The following CCND3 variants were observed in gnomAD, a reference collection of about 807,000 sequenced individuals.
CCND3 encodes G1/S-specific cyclin-D3.
Under a neutral mutation model 28.7 loss-of-function variants are expected in CCND3, and 9 were observed. That is an observed-to-expected ratio of 0.31 (90% CI 0.19 to 0.55). The LOEUF (loss-of-function observed/expected upper bound fraction) is 0.55, where lower values mean the gene tolerates loss of function less well. CCND3 is among the 20% of genes least tolerant of loss of function. The probability of loss-of-function intolerance (pLI) is 0.93; values close to 1 mark genes in which losing one functional copy is unlikely to be tolerated. For synonymous variants in CCND3, 164 were observed against 163.9 expected, an observed-to-expected ratio of 1.00 and a Z score of 0.00; for missense variants, 315 against 385.8, an observed-to-expected ratio of 0.82 and a Z score of 1.54.
At chr6:41,949,629 A>G (rs1192125067) in intron 1 of CCND3, among the ~76,000 whole-genome samples, 2 of 151,906 alleles carry the variant, frequency 1.3e-5, no homozygotes, top group African/African-American at 4.8e-5. Context: ...AAATATCTAT[A>G]TTACTTGAGT....
intron 1 of CCND3, among the ~76,000 whole-genome samples, chr6:41,969,600 G>A (rs1389724691): frequency 6.6e-6 from 1 of 152,126 alleles, no homozygotes; most frequent in Non-Finnish European, 1.5e-5. Flanking sequence ...GCTGGGCGTG[G>A]TGGCACGCAC....
rs1582080905 is a variant in CCND3 at position 41,936,283 on chromosome 6, T to G, written c.712-176A>C. ...CTAGCAAGAGGATGTGGCAAGGGAG[T>G]GTGAGAGCAGCCCTGCATCTGACAC... On this transcript the variant is annotated intron_variant, in intron 4 of 4. Transcript: ENST00000372991. The surrounding 1 kb of genome is among the most constrained non-coding windows in gnomAD (Gnocchi z 4.4). The G allele has an allele frequency of 1.4e-6, 1 of 722,756 alleles. No individual in the cohort carries two copies. The highest frequency in any genetic ancestry group is 2.7e-5 in the East Asian group (1 of 36,696). 44.8% of individuals were successfully genotyped at this position (722,756 alleles called of 1,614,324 possible).
chr6:41,996,227 G>A, intron 1 of CCND3, among the ~76,000 whole-genome samples: 1 of 150,804 alleles, frequency 6.6e-6, no homozygotes, highest in Admixed American at 6.7e-5. Context: ...TCGGCTCACT[G>A]CAACCTCCGC....
intron 1 of CCND3, among the ~76,000 whole-genome samples, chr6:41,980,871 A>T (rs1259284096): frequency 1.3e-5 from 2 of 152,184 alleles, no homozygotes; most frequent in African/African-American, 4.8e-5. Context: ...AATAGAGGGG[A>T]ACTTTCTCAA....
chr6:41,953,089 T>C (rs1305797412), intron 1 of CCND3, among the ~76,000 whole-genome samples: 2 of 152,044 alleles, frequency 1.3e-5, no homozygotes, highest in East Asian at 1.9e-4. Flanking sequence ...CTGGCCGATA[T>C]GGTGAAACCC....
At chr6:42,020,618 G>A (rs573315079) in intron 1 of CCND3, among the ~76,000 whole-genome samples, 1 of 152,240 alleles carries the variant, frequency 6.6e-6, no homozygotes, top group Non-Finnish European at 1.5e-5. Context: ...AACCTCTAAA[G>A]ACCACTCGGC....
Position 41,998,607 on chromosome 6 carries a change from C to T in CCND3, c.-46+49894G>A, listed in dbSNP as rs539842806. Among the ~76,000 whole-genome samples, 271 of 150,440 alleles carry T rather than the reference C, an allele frequency of 1.8e-3. 2 individuals carry two copies. Among genetic ancestry groups the T allele is most frequent in the African/African-American group, 6.2e-3 (256 of 40,984 alleles). On this transcript the variant is annotated intron_variant, in intron 1 of 4. Coordinates refer to the CCND3 transcript ENST00000372988. ...TCTCCTAAAGTGCTGGGATTACAGG[C>T]GTGAGCCACCGTGCCCAGCTGATAC...
chr6:41,964,387 T>A (rs557927496), intron 1 of CCND3, among the ~76,000 whole-genome samples: 2 of 151,884 alleles, frequency 1.3e-5, no homozygotes, highest in Non-Finnish European at 2.9e-5. Flanking sequence ...TGTGAGTGTG[T>A]GTGTGCATGT....
chr6:41,964,634 TG>T (rs1024508355), intron 1 of CCND3, among the ~76,000 whole-genome samples: 3 of 152,152 alleles, frequency 2.0e-5, no homozygotes, highest in African/African-American at 7.2e-5. Context: ...AGAGAGCATC[TG>T]GCCTATGTGG....
upstream of CCND3, among the ~76,000 whole-genome samples, chr6:41,942,872 C>CTTTTTTTTTTTTT (rs60884050): frequency 2.4e-5 from 2 of 82,568 alleles, no homozygotes; most frequent in African/African-American, 5.2e-5. Context: ...GTTAATTATT[C>CTTTTTTTTTTTTT]TTTTTTTTTT....
At chr6:42,020,029 A>G (rs1026850366) in intron 1 of CCND3, among the ~76,000 whole-genome samples, 2 of 152,192 alleles carry the variant, frequency 1.3e-5, no homozygotes, top group African/African-American at 4.8e-5. Context: ...CTGTAATCCC[A>G]GCACTTTGGG....
At chr6:41,985,424 C>T (rs1292145041) in intron 1 of CCND3, among the ~76,000 whole-genome samples, 1 of 149,072 alleles carries the variant, frequency 6.7e-6, no homozygotes, top group East Asian at 2.0e-4. Context: ...AGAGATTCTC[C>T]TACCTCAGCC....
At chr6:41,983,697 G>C (rs1262880460) in intron 1 of CCND3, among the ~76,000 whole-genome samples, 1 of 151,970 alleles carries the variant, frequency 6.6e-6, no homozygotes, top group Non-Finnish European at 1.5e-5. Flanking sequence ...AAAATTAGCT[G>C]GGTATGGTGG....
At chr6:41,937,493 C>G in intron 2 of CCND3, 99 bp from the exon 3 acceptor site, 1 of 1,419,532 alleles carries the variant, frequency 7.0e-7, no homozygotes, top group East Asian at 2.3e-5. Context: ...GCCCATCAAA[C>G]TTTTAAAGCC....
chr6:41,982,073 C>A (rs944553362), intron 1 of CCND3, among the ~76,000 whole-genome samples: 1 of 151,568 alleles, frequency 6.6e-6, no homozygotes, highest in African/African-American at 2.4e-5. Context: ...AGTTCGAGAC[C>A]AACATGACCA....
chr6:41,990,448 T>C (rs777258314), intron 1 of CCND3, among the ~76,000 whole-genome samples: 4 of 151,898 alleles, frequency 2.6e-5, no homozygotes, highest in Non-Finnish European at 5.9e-5. Context: ...AAAAAAATCC[T>C]AAAATTCATA....
At chr6:42,020,341 C>T (rs928125051) in intron 1 of CCND3, among the ~76,000 whole-genome samples, 2 of 152,288 alleles carry the variant, frequency 1.3e-5, no homozygotes, top group Admixed American at 1.3e-4. Context: ...AATGAATGCA[C>T]GTTTCCCTAG....
chr6:42,000,992 T>C (rs1351535602), intron 1 of CCND3, among the ~76,000 whole-genome samples: 1 of 151,352 alleles, frequency 6.6e-6, no homozygotes, highest in African/African-American at 2.4e-5. Flanking sequence ...TCCCAGTACT[T>C]TGGGAGGCCG....
intron 1 of CCND3, among the ~76,000 whole-genome samples, chr6:41,961,879 G>A (rs1336237689): frequency 2.0e-5 from 3 of 152,128 alleles, no homozygotes; most frequent in Non-Finnish European, 2.9e-5. Flanking sequence ...AGTCACCCAA[G>A]CTGAAAATGC....
Sources: allele counts gnomAD v4.1 joint callset (sites outside exome capture counted in the v4.1 genomes callset), GRCh38; gene constraint gnomAD v4.1.1; non-coding constraint Gnocchi (gnomAD v3.1); transcripts MANE v1.5; gene names NCBI Gene and HGNC (gene_info 2026-07-23, HGNC 2026-07-21).